The following TAF2 variants were observed in gnomAD, a reference collection of about 807,000 sequenced individuals.
TAF2 encodes the protein TATA-box binding protein associated factor 2.
TAF2 carries 61 observed loss-of-function variants against 138.5 expected under a neutral mutation model. The observed-to-expected ratio is 0.44, with a 90% CI of 0.36 to 0.54. TAF2 has a LOEUF of 0.54. TAF2 is among the 20% of genes least tolerant of loss of function. The pLI, the probability that TAF2 is intolerant of heterozygous loss-of-function variation, is 0.00. For missense variants in TAF2, 1,090 were observed against 1,427.9 expected, an observed-to-expected ratio of 0.76 and a Z score of 3.81; for synonymous variants, 475 against 469.9, an observed-to-expected ratio of 1.01 and a Z score of -0.14.
At chr8:119,777,993 A>G in intron 18 of TAF2, 26 bp downstream of exon 18, 2 of 1,217,212 alleles carry the variant, frequency 1.6e-6, no homozygotes, top group Non-Finnish European at 2.4e-6. Flanking sequence ...ACTGTTGTAG[A>G]AGATTTAAAA....
intron 22 of TAF2, among the ~76,000 whole-genome samples, chr8:119,747,787 A>G (rs921115810): frequency 1.3e-5 from 2 of 152,210 alleles, no homozygotes; most frequent in African/African-American, 4.8e-5. Flanking sequence ...TGAAGAGTAT[A>G]GAACAAATGA....
At chr8:119,825,938 C>T (rs554439043) in intron 2 of TAF2, among the ~76,000 whole-genome samples, 5 of 151,750 alleles carry the variant, frequency 3.3e-5, no homozygotes, top group Admixed American at 6.6e-5. Flanking sequence ...ATGATCTGCC[C>T]GCCTCGGCCT....
intron 3 of TAF2, among the ~76,000 whole-genome samples, chr8:119,818,355 A>G (rs1825610041): frequency 6.6e-6 from 1 of 152,206 alleles, no homozygotes; most frequent in Admixed American, 6.5e-5. Context: ...TTATACCTCT[A>G]GACTAGTTAA....
chr8:119,830,651 C>T (rs563024016), intron 2 of TAF2, among the ~76,000 whole-genome samples: 7 of 152,198 alleles, frequency 4.6e-5, no homozygotes, highest in African/African-American at 1.2e-4. Flanking sequence ...TCATGAAAAG[C>T]GACATTTTTC....
intron 3 of TAF2, among the ~76,000 whole-genome samples, chr8:119,818,164 G>A (rs538650172): frequency 4.6e-5 from 7 of 152,326 alleles, no homozygotes; most frequent in Admixed American, 2.6e-4. Flanking sequence ...TGGTTCTCAA[G>A]CTTCGGTCTG....
intron 22 of TAF2, among the ~76,000 whole-genome samples, chr8:119,749,530 A>G (rs763597397): frequency 6.6e-6 from 1 of 152,228 alleles, no homozygotes; most frequent in Non-Finnish European, 1.5e-5. Flanking sequence ...ACGTTAGTAC[A>G]TTAGTATATT....
At chr8:119,734,150 G>A (rs1276729884) in intron 25 of TAF2, among the ~76,000 whole-genome samples, 1 of 152,134 alleles carries the variant, frequency 6.6e-6, no homozygotes, top group African/African-American at 2.4e-5. Flanking sequence ...GGGAAACCCT[G>A]CTGCATCGTG....
chr8:119,778,607 A>G (rs1219345959), intron 17 of TAF2, among the ~76,000 whole-genome samples: 1 of 152,150 alleles, frequency 6.6e-6, no homozygotes, highest in Non-Finnish European at 1.5e-5. Context: ...TTTCCTCACA[A>G]TCATTTTCAG....
chr8:119,746,961 G>A (rs768751237), intron 22 of TAF2, 27 bp from the exon 23 acceptor site: 20 of 1,592,834 alleles, frequency 1.3e-5, no homozygotes, highest in Admixed American at 1.7e-5. Flanking sequence ...AAAGAAATGA[G>A]TCAATATGCA....
At chr8:119,743,562 A>T (rs1020081683) in intron 24 of TAF2, among the ~76,000 whole-genome samples, 21 of 152,136 alleles carry the variant, frequency 1.4e-4, no homozygotes, top group African/African-American at 5.1e-4. Flanking sequence ...ATTCCTTAAA[A>T]ATTAGAAAAA....
intron 3 of TAF2, among the ~76,000 whole-genome samples, chr8:119,808,197 G>GT (rs1185050779): frequency 5.9e-5 from 9 of 152,186 alleles, no homozygotes; most frequent in African/African-American, 1.9e-4. Flanking sequence ...ATTTCTTTCT[G>GT]TTAAATAAAC....
At chr8:119,811,496 C>T (rs944351169) in intron 3 of TAF2, among the ~76,000 whole-genome samples, 3 of 152,054 alleles carry the variant, frequency 2.0e-5, no homozygotes, top group Admixed American at 2.0e-4. Flanking sequence ...CCACAATGAA[C>T]AAGGATGACT....
intron 17 of TAF2, among the ~76,000 whole-genome samples, chr8:119,778,902 G>A (rs1822447740): frequency 6.6e-6 from 1 of 152,194 alleles, no homozygotes; most frequent in Admixed American, 6.5e-5. Flanking sequence ...CACATGGCGA[G>A]ATATGGACTA....
At chr8:119,776,694 A>G (rs1261204798) in intron 18 of TAF2, among the ~76,000 whole-genome samples, 1 of 152,090 alleles carries the variant, frequency 6.6e-6, no homozygotes, top group Admixed American at 6.6e-5. Context: ...GTCTCAAAAA[A>G]AAGTTTCATC....
Position 119,731,539 on chromosome 8 carries a change from G to A in TAF2, c.*385C>T, listed in dbSNP as rs1818877943. 3.8e-6 allele frequency: 1 copy of A among 260,010 alleles called. No homozygotes were observed. The highest frequency in any genetic ancestry group is 7.5e-6 in the Non-Finnish European group (1 of 132,866). The allele number at this position is 260,010 out of a possible 1,614,324, so 16.1% of individuals were successfully genotyped here. A position where few individuals can be genotyped will look rare whatever the true frequency, so the allele number is the denominator to read the frequency against. ...CACCACAGATTTGGCAGTTGCTTCT[G>A]TGTAAATCATAACTTTGCCCCATAA... is the stretch of plus-strand genomic sequence containing the variant. On this transcript the variant is annotated 3_prime_UTR_variant, in exon 26 of 26. Coordinates refer to ENST00000378164, the MANE Select transcript of TAF2 (RefSeq NM_003184.4).
chr8:119,765,576 A>G (rs1821367838), intron 18 of TAF2, among the ~76,000 whole-genome samples: 3 of 152,234 alleles, frequency 2.0e-5, no homozygotes, highest in Admixed American at 2.0e-4. Flanking sequence ...GGGACCACCA[A>G]CATTCAAAAT....
At position 119,742,612 on chromosome 8, in the gene TAF2, G is replaced by A; in HGVS notation, c.3259C>T (p.Pro1087Ser). 1.2e-6 allele frequency: 2 copies of A among 1,613,910 alleles called. No individual in the cohort carries two copies. Among genetic ancestry groups the A allele is most frequent in the Non-Finnish European group, 1.7e-6 (2 of 1,179,968 alleles). Residue 1087 changes from proline (P) to serine (S), a missense_variant, in exon 25 of 26, where the codon CCC (proline) becomes TCC (serine). By Grantham distance (74) the Pro-to-Ser change is moderately conservative. Transcript: ENST00000378164. ...RPASSRSALI[P>S]QHSAGCDSTP... is the part of the protein sequence containing the mutation. ...CTGTCACAGCCTGCTGAGTGCTGGG[G>A]TATTAAAGCAGATCGGGAGCTAGCT...
intron 10 of TAF2, among the ~76,000 whole-genome samples, chr8:119,792,524 T>A (rs990959026): frequency 7.2e-5 from 11 of 152,150 alleles, no homozygotes; most frequent in African/African-American, 2.4e-4. Context: ...CAATTCTGAT[T>A]AGTACCACAC....
intron 3 of TAF2, among the ~76,000 whole-genome samples, chr8:119,813,098 T>C (rs983536887): frequency 6.6e-6 from 1 of 152,146 alleles, no homozygotes; most frequent in South Asian, 2.1e-4. Context: ...CACGCCAACA[T>C]CTGTTTTTTT....
Sources: gnomAD v4.1 joint callset for allele counts (sites outside exome capture counted in the v4.1 genomes callset) on GRCh38, gnomAD v4.1.1 for gene constraint, MANE v1.5 for transcripts, NCBI Gene and HGNC (gene_info 2026-07-23, HGNC 2026-07-21) for gene names.